HDAC9: variants seen among roughly 807,000 people sequenced by gnomAD.
HDAC9 encodes the protein histone deacetylase 9.
HDAC9 carries 41 observed loss-of-function variants against 139.4 expected under a neutral mutation model. That is an observed-to-expected ratio of 0.29 (90% CI 0.23 to 0.38). HDAC9 has a LOEUF of 0.38. Among genes scored for constraint, HDAC9 ranks in the 10% least tolerant of loss-of-function variants. HDAC9 has a pLI of 1.00. For synonymous variants in HDAC9, 517 were observed against 476.2 expected (o/e 1.09, Z -1.12); for missense variants, 1,147 against 1,297.0 (o/e 0.88, Z 1.78).
At position 18,219,114 on chromosome 7, in the gene HDAC9, T is replaced by A. The variant is rs144301149; in HGVS notation, c.25+56765T>A. Among the ~76,000 whole-genome samples the A allele has an allele frequency of 1.6e-3, 238 of 152,316 alleles. 1 individual carries two copies. The highest frequency in any genetic ancestry group is 5.5e-3 in the African/African-American group (227 of 41,580). Reference sequence around the variant, plus strand: ...AAAGAGCCTGATAAGGAATATAGTATCTCATGGCAGTTTGAATTTTTTATT... The same window carrying A: ...AAAGAGCCTGATAAGGAATATAGTAACTCATGGCAGTTTGAATTTTTTATT... On this transcript the variant is annotated intron_variant, in intron 2 of 12. Transcript: ENST00000417496.
chr7:18,347,696 T>C (rs656145), intron 1 of HDAC9, among the ~76,000 whole-genome samples: 151,407 of 152,272 alleles, frequency 0.99, 75,280 homozygotes, highest in Non-Finnish European at 1. Flanking sequence ...CTCCCAGATT[T>C]AAGTGATTCT....
chr7:18,748,961 T>C, intron 13 of HDAC9, 44 bp from the exon 14 acceptor site: 6 of 1,583,524 alleles, frequency 3.8e-6, no homozygotes, highest in Non-Finnish European at 4.3e-6. Flanking sequence ...GTCATTATCT[T>C]GTACTGTTAC....
chr7:18,655,489 A>C (rs1790818697), intron 11 of HDAC9, among the ~76,000 whole-genome samples: 1 of 152,176 alleles, frequency 6.6e-6, no homozygotes, highest in South Asian at 2.1e-4. Context: ...GTCTCCAAAA[A>C]AATCCACTTA....
intron 1 of HDAC9, among the ~76,000 whole-genome samples, chr7:18,118,600 G>A (rs1454074574): frequency 6.6e-6 from 1 of 152,052 alleles, no homozygotes; most frequent in African/African-American, 2.4e-5. Context: ...TGCTATTATT[G>A]ACATTCACCA....
chr7:18,825,502 G>A (rs999278777), intron 17 of HDAC9, among the ~76,000 whole-genome samples: 8 of 152,050 alleles, frequency 5.3e-5, no homozygotes, highest in Non-Finnish European at 8.8e-5. Flanking sequence ...GTAGCATGGC[G>A]GCCATTGGTG....
intron 1 of HDAC9, among the ~76,000 whole-genome samples, chr7:18,109,988 A>G (rs1783502510): frequency 6.6e-6 from 1 of 152,118 alleles, no homozygotes; most frequent in African/African-American, 2.4e-5. Context: ...CAGGCCTCAG[A>G]TCTGCTCAGA....
chr7:18,648,007 T>G lies in HDAC9; in HGVS notation c.1249+9T>G, dbSNP rs2033226711. On this transcript the variant is annotated intron_variant, in intron 10 of 25. Coordinates refer to ENST00000686413, the MANE Select transcript of HDAC9 (RefSeq NM_178425.4). ...AAAGCTTCTTGTAGCTGGTAATTCA[T>G]TATGGCACCATTTGCAGGTCATTTT... 3 of 1,589,320 alleles carry G rather than the reference T, an allele frequency of 1.9e-6. No individual in the cohort carries two copies. The highest frequency in any genetic ancestry group is 1.8e-4 in the Middle Eastern group (1 of 5,664).
chr7:18,718,925 C>T (rs1339299940), intron 12 of HDAC9, among the ~76,000 whole-genome samples: 4 of 152,212 alleles, frequency 2.6e-5, no homozygotes, highest in African/African-American at 9.6e-5. Context: ...GCATCTTCCA[C>T]AGCATTTGCT....
intron 1 of HDAC9, among the ~76,000 whole-genome samples, chr7:18,482,380 C>A (rs1257278366): frequency 6.2e-5 from 2 of 32,328 alleles, no homozygotes; most frequent in East Asian, 1.1e-3. Context: ...CTGGACTCAC[C>A]AAAAAAAAAA....
intron 17 of HDAC9, among the ~76,000 whole-genome samples, chr7:18,827,571 AT>A (rs1404865721): frequency 6.6e-6 from 1 of 152,202 alleles, no homozygotes; most frequent in Non-Finnish European, 1.5e-5. Flanking sequence ...GTTCTAAGCT[AT>A]GTTCATTTAA....
chr7:18,971,233 A>G (rs947065539), intron 24 of HDAC9, among the ~76,000 whole-genome samples: 1 of 152,252 alleles, frequency 6.6e-6, no homozygotes, highest in African/African-American at 2.4e-5. Flanking sequence ...TAGTCCTTAA[A>G]AAGTCCTGAA....
At chr7:18,868,564 A>T (rs969018539) in intron 21 of HDAC9, among the ~76,000 whole-genome samples, 7 of 152,152 alleles carry the variant, frequency 4.6e-5, no homozygotes, top group Non-Finnish European at 8.8e-5. Context: ...AGTGGAGTAT[A>T]TGGTGTTAGG....
At chr7:18,860,520 T>C (rs1322821705) in intron 21 of HDAC9, among the ~76,000 whole-genome samples, 1 of 152,202 alleles carries the variant, frequency 6.6e-6, no homozygotes, top group East Asian at 1.9e-4. Context: ...ACTTTCTTCC[T>C]TGGTTATCCA....
chr7:18,919,122 C>T (rs1159828875), intron 22 of HDAC9, among the ~76,000 whole-genome samples: 1 of 152,058 alleles, frequency 6.6e-6, no homozygotes, highest in African/African-American at 2.4e-5. Flanking sequence ...AGCCAATGCA[C>T]TTCAAGGAAA....
intron 17 of HDAC9, among the ~76,000 whole-genome samples, chr7:18,812,331 G>A (rs965260724): frequency 2.0e-5 from 3 of 151,724 alleles, no homozygotes; most frequent in African/African-American, 7.3e-5. Context: ...CTTTCAATCT[G>A]AAGTATTTCT....
At chr7:18,469,463 A>T (rs1359322424) in intron 1 of HDAC9, among the ~76,000 whole-genome samples, 2 of 152,082 alleles carry the variant, frequency 1.3e-5, no homozygotes, top group Non-Finnish European at 2.9e-5. Flanking sequence ...ACCTTGCAAA[A>T]CTCACATTAA....
chr7:18,234,814 T>G (rs1793705756), intron 2 of HDAC9, among the ~76,000 whole-genome samples: 1 of 152,250 alleles, frequency 6.6e-6, no homozygotes, highest in Non-Finnish European at 1.5e-5. Context: ...AGGATTCTGT[T>G]GCAGGACAGT....
intron 17 of HDAC9, among the ~76,000 whole-genome samples, chr7:18,826,517 CT>C (rs1295439734): frequency 1.3e-5 from 2 of 152,104 alleles, no homozygotes; most frequent in Non-Finnish European, 2.9e-5. Flanking sequence ...CATTTTCAAC[CT>C]AAGATTAAGC....
At chr7:18,432,903 A>G (rs1790816288) in intron 1 of HDAC9, among the ~76,000 whole-genome samples, 1 of 151,776 alleles carries the variant, frequency 6.6e-6, no homozygotes, top group African/African-American at 2.4e-5. Flanking sequence ...GTGAGCCGAG[A>G]TCGCGCCACT....
Sources: allele counts gnomAD v4.1 joint callset (sites outside exome capture counted in the v4.1 genomes callset), GRCh38; gene constraint gnomAD v4.1.1; transcripts MANE v1.5; gene names NCBI Gene and HGNC (gene_info 2026-07-23, HGNC 2026-07-21).